The following OTOP1 variants were observed in gnomAD, a reference collection of about 807,000 sequenced individuals.
OTOP1 encodes the protein otopetrin 1, also known as proton channel OTOP1.
OTOP1 carries 59 observed loss-of-function variants against 52.9 expected under a neutral mutation model. The ratio of observed to expected loss-of-function variants is 1.12; its 90% CI spans 0.91 to 1.39. OTOP1 has a LOEUF of 1.39. Among genes scored for constraint, OTOP1 ranks in the 40% most tolerant of loss-of-function variants. The probability of loss-of-function intolerance (pLI) is 0.00; values close to 1 mark genes in which losing one functional copy is unlikely to be tolerated. For synonymous variants in OTOP1, 317 were observed against 337.7 expected, an observed-to-expected ratio of 0.94 and a Z score of 0.67; for missense variants, 761 against 800.9, an observed-to-expected ratio of 0.95 and a Z score of 0.60.
intron 1 of OTOP1, among the ~76,000 whole-genome samples, chr4:4,219,525 C>T (rs1277306909): frequency 6.6e-6 from 1 of 151,868 alleles, no homozygotes; most frequent in Non-Finnish European, 1.5e-5. Flanking sequence ...CACGGTGAAA[C>T]CCCGTCTCTA....
At chr4:4,211,584 G>A (rs1307327899) in intron 2 of OTOP1, among the ~76,000 whole-genome samples, 2 of 152,100 alleles carry the variant, frequency 1.3e-5, no homozygotes, top group East Asian at 1.9e-4. Flanking sequence ...TTAGAAAAAC[G>A]TTTCTAATCG....
intron 1 of OTOP1, among the ~76,000 whole-genome samples, chr4:4,221,043 CTATTTTATTTTATTTTATTTTATTT>C (rs144687423): frequency 8.5e-5 from 11 of 129,434 alleles, no homozygotes; most frequent in East Asian, 2.2e-4. Context: ...TTATTTTATT[CTATTTTATTTTATTTTATTTTATTT>C]TATTTTATTT....
chr4:4,188,997 T>A (rs1239548181), intron 5 of OTOP1, 24 bp from the exon 6 acceptor site: 1 of 1,606,450 alleles, frequency 6.2e-7, no homozygotes, highest in Non-Finnish European at 8.5e-7. Context: ...GAAAATGGCA[T>A]GTGGTGGGGA....
rs772811467 is a variant in OTOP1 at position 4,197,704 on chromosome 4, T to A, written c.1130A>T (p.Lys377Met). 1 of 1,613,694 alleles carries A rather than the reference T, an allele frequency of 6.2e-7. No homozygotes were observed. The highest frequency in any genetic ancestry group is 8.5e-7 in the Non-Finnish European group (1 of 1,179,960). Residue 377 changes from lysine (K) to methionine (M), a missense_variant, in exon 5 of 6, where the codon AAG becomes ATG. By Grantham distance (95) the Lys-to-Met change is moderately conservative. Coordinates refer to ENST00000296358, the MANE Select transcript of OTOP1 (RefSeq NM_177998.3). ...CGGATTTTTGGACTCATCCAGTGAC[T>A]TCTCGTCTATCCTGTAAATCCGGAT... ...AGIRIYRIDE[K>M]SLDESKNPAR...
At position 4,203,722 on chromosome 4, in the gene OTOP1, C is replaced by T. The variant is rs145291744; in HGVS notation, c.600-1144G>A. 2.0e-5 allele frequency among the ~76,000 whole-genome samples: 3 copies of T among 152,298 alleles called. No individual in the cohort carries two copies. The East Asian group carries it at 5.8e-4, about 29-fold the overall frequency. ...TTAGCAATGTGCCTCACAGGTAGCA[C>T]GTGCAGCAAACACTGGTGATTTGAG... On this transcript the variant is annotated intron_variant, in intron 3 of 5. Coordinates refer to ENST00000296358, the MANE Select transcript of OTOP1 (RefSeq NM_177998.3).
rs1209750059 is a variant in OTOP1, at chr4:4,223,386, CATGGATGGATGGATGGACGGACAGATGG to C, written c.403+3048_403+3075del. On this transcript the variant is annotated intron_variant, in intron 1 of 5. Transcript: ENST00000296358. ...CAGAGAGAGAGGAAGAACAAAAAAA[CATGGATGGATGGATGGACGGACAGATGG>C]ATGGATGGATGGATGGATGGATGGA... is the stretch of plus-strand genomic sequence containing the variant. 1.6e-3 allele frequency among the ~76,000 whole-genome samples: 230 copies of C among 146,626 alleles called. 1 individual carries two copies. The highest frequency in any genetic ancestry group is 5.7e-3 in the African/African-American group (222 of 38,718).
At chr4:4,194,549 A>G (rs548344397) in intron 5 of OTOP1, among the ~76,000 whole-genome samples, 1 of 152,360 alleles carries the variant, frequency 6.6e-6, no homozygotes, top group African/African-American at 2.4e-5. Context: ...TGCTTGGCAG[A>G]CACACAGCCA....
chr4:4,197,657 G>T lies in OTOP1; in HGVS notation c.1177C>A (p.Leu393Ile), dbSNP rs779062889. ...KNPARKLDSD[L>I]LVGTASGSWL... ...GAGCCCGAGGCAGTGCCCACCAAGA[G>T]GTCCGAGTCCAGTTTGCGGGCCGGA... The change falls in exon 5 of 6, where the codon CTC becomes ATC. Residue 393 changes from leucine to isoleucine, a missense_variant. This residue lies in a region of OTOP1 where 632 missense variants were observed against 619.5 expected (regional missense o/e 1.02). Coordinates refer to ENST00000296358, the MANE Select transcript of OTOP1 (RefSeq NM_177998.3). The T allele has an allele frequency of 4.3e-6, 7 of 1,613,748 alleles. 1 individual carries two copies. The South Asian group carries it at 6.6e-5, about 15-fold the overall frequency.
In OTOP1 at chr4:4,198,033, G is replaced by T; in HGVS notation, c.801C>A (p.Ile267=). Residue 267 remains isoleucine (I), a synonymous_variant, in exon 5 of 6, where the codon ATC becomes ATA. Coordinates refer to ENST00000296358, the MANE Select transcript of OTOP1 (RefSeq NM_177998.3). ...PTLCTAISHG[I]YYLYPFNIEY... is the part of the protein sequence containing the mutation. ...CTATGTTGAAGGGGTAGAGGTAGTA[G>T]ATCCCGTGGGAGATGGCAGTGCACA... 6.2e-7 allele frequency: 1 copy of T among 1,614,002 alleles called. No homozygotes were observed. The highest frequency in any genetic ancestry group is 8.5e-7 in the Non-Finnish European group (1 of 1,179,956).
chr4:4,207,290 G>C (rs1716926380), intron 2 of OTOP1, among the ~76,000 whole-genome samples: 1 of 152,122 alleles, frequency 6.6e-6, no homozygotes, highest in Non-Finnish European at 1.5e-5. Context: ...TTTGAAATTA[G>C]ACAGCCATTT....
In OTOP1 at chr4:4,194,138, A is replaced by G. The variant is rs143725361; in HGVS notation, c.1668+3028T>C. 4.9e-3 allele frequency among the ~76,000 whole-genome samples: 744 copies of G among 152,302 alleles called. 6 individuals carry two copies. The highest frequency in any genetic ancestry group is 0.017 in the African/African-American group (717 of 41,580). On this transcript the variant is annotated intron_variant, in intron 5 of 5. Coordinates refer to ENST00000296358, the MANE Select transcript of OTOP1 (RefSeq NM_177998.3). The stretch of plus-strand genomic sequence containing the variant: ...TGGGAGGCGGAGGTTGCAATGAGCC[A>G]AGATCATGCCATTGCACTACAGCCT...
At chr4:4,209,794 A>G (rs1231656291) in intron 2 of OTOP1, among the ~76,000 whole-genome samples, 1 of 152,196 alleles carries the variant, frequency 6.6e-6, no homozygotes, top group East Asian at 1.9e-4. Context: ...CAATCTGACC[A>G]GAGTGCAAGC....
chr4:4,194,292 C>T (rs1449476094), intron 5 of OTOP1, among the ~76,000 whole-genome samples: 1 of 152,192 alleles, frequency 6.6e-6, no homozygotes, highest in Non-Finnish European at 1.5e-5. Context: ...TGTTTTGGAA[C>T]ATGCACCTCA....
intron 5 of OTOP1, among the ~76,000 whole-genome samples, chr4:4,196,482 G>A (rs1270758668): frequency 3.3e-5 from 5 of 152,192 alleles, no homozygotes; most frequent in Non-Finnish European, 7.4e-5. Flanking sequence ...ACTTCAACTC[G>A]GGAGGCAGAG....
intron 1 of OTOP1, among the ~76,000 whole-genome samples, chr4:4,219,570 C>T (rs1256980878): frequency 6.6e-6 from 1 of 151,618 alleles, no homozygotes; most frequent in Non-Finnish European, 1.5e-5. Flanking sequence ...GGCGTGGTGG[C>T]GGGTGCCTCC....
intron 2 of OTOP1, among the ~76,000 whole-genome samples, chr4:4,211,205 A>C (rs1717018787): frequency 6.6e-6 from 1 of 152,216 alleles, no homozygotes; most frequent in African/African-American, 2.4e-5. Flanking sequence ...CTGGGGGTAC[A>C]AGCTGAAGGT....
intron 4 of OTOP1, among the ~76,000 whole-genome samples, chr4:4,201,018 AGGG>A (rs1365963212): frequency 6.6e-6 from 1 of 152,178 alleles, no homozygotes; most frequent in Non-Finnish European, 1.5e-5. Context: ...TCTTTCACAG[AGGG>A]CCTTGAAGCC....
At chr4:4,211,396 C>T (rs991641644) in intron 2 of OTOP1, among the ~76,000 whole-genome samples, 1 of 152,108 alleles carries the variant, frequency 6.6e-6, no homozygotes, top group Non-Finnish European at 1.5e-5. Context: ...ATTGTGTCTC[C>T]GCAGTGACTC....
chr4:4,226,881 C>A lies in OTOP1; in HGVS notation c.-17G>T. The A allele has an allele frequency of 7.6e-7, 1 of 1,315,430 alleles. No individual in the cohort carries two copies. Among genetic ancestry groups the A allele is most frequent in the South Asian group, 2.1e-5 (1 of 47,372 alleles). 81.5% of individuals were successfully genotyped at this position (1,315,430 alleles called of 1,614,324 possible). A position where few individuals can be genotyped will look rare whatever the true frequency, so the allele number is the denominator to read the frequency against. ...CTCGAGCATCTTCGAGACACCCGCG[C>A]CAAGTCTGGTCCCGGGGGTGGCTGC... is the stretch of plus-strand genomic sequence containing the variant. On this transcript the variant is annotated 5_prime_UTR_variant, in exon 1 of 6. Coordinates refer to ENST00000296358, the MANE Select transcript of OTOP1 (RefSeq NM_177998.3).
Sources: gnomAD v4.1 joint callset for allele counts (sites outside exome capture counted in the v4.1 genomes callset) on GRCh38, gnomAD v4.1.1 for gene constraint, gnomAD v4.1.1 regional missense constraint, MANE v1.5 for transcripts, NCBI Gene and HGNC (gene_info 2026-07-23, HGNC 2026-07-21) for gene names.